ANXA4: variants seen among roughly 807,000 people sequenced by gnomAD.
ANXA4 encodes the protein annexin A4.
In ANXA4, 39 loss-of-function variants were observed where a neutral mutation model predicts 49.8. The ratio of observed to expected loss-of-function variants is 0.78; its 90% CI spans 0.61 to 1.02. The LOEUF (loss-of-function observed/expected upper bound fraction) is 1.02. Ranked by LOEUF, ANXA4 falls within the 50% of genes least tolerant of loss-of-function variation. The pLI, the probability that ANXA4 is intolerant of heterozygous loss-of-function variation, is 0.00. For missense variants in ANXA4, 360 were observed against 410.1 expected, an observed-to-expected ratio of 0.88 and a Z score of 1.05; for synonymous variants, 134 against 152.5, an observed-to-expected ratio of 0.88 and a Z score of 0.89.
intron 2 of ANXA4, among the ~76,000 whole-genome samples, chr2:69,689,490 C>G (rs751798863): frequency 6.6e-6 from 1 of 152,026 alleles, no homozygotes; most frequent in South Asian, 2.1e-4. Context: ...TCAAAGACAT[C>G]AATAAAATTA....
intron 1 of ANXA4, among the ~76,000 whole-genome samples, chr2:69,770,061 C>G (rs1340720906): frequency 6.6e-6 from 1 of 152,162 alleles, no homozygotes; most frequent in South Asian, 2.1e-4. Context: ...AAAGACCGTC[C>G]GTAAGTTACT....
At chr2:69,643,931 GCAGA>G, upstream of ANXA4, 1 of 1,127,892 alleles carries the variant, frequency 8.9e-7, no homozygotes, top group Non-Finnish European at 1.1e-6. Flanking sequence ...GGGTCTCAGT[GCAGA>G]CAGAGTTCTG....
At chr2:69,755,260 T>C (rs1670998356) in intron 1 of ANXA4, among the ~76,000 whole-genome samples, 1 of 152,332 alleles carries the variant, frequency 6.6e-6, no homozygotes, top group Non-Finnish European at 1.5e-5. Context: ...GATCTAGGAA[T>C]AGATGGTGGT....
chr2:69,648,021 G>T (rs1376525102), intron 1 of ANXA4, among the ~76,000 whole-genome samples: 4 of 152,202 alleles, frequency 2.6e-5, no homozygotes, highest in Non-Finnish European at 5.9e-5. Context: ...TGAAGGAAAT[G>T]ATTTGACCTG....
At position 69,734,787 on chromosome 2, in the gene ANXA4, G is replaced by A. The variant is rs556694418; in HGVS notation, n.864+13916G>A. 3.9e-5 allele frequency among the ~76,000 whole-genome samples: 6 copies of A among 152,230 alleles called. No individual in the cohort carries two copies. The South Asian group carries it at 6.2e-4, about 16-fold the overall frequency. ...TGTAATCCCAGCACTTTGTTTCTCC[G>A]GTTTTTGAGATAGGAGGGGCCCTCT... On this transcript the variant is annotated intron_variant and non_coding_transcript_variant, in intron 3 of 3. Transcript: ENST00000418066.
chr2:69,770,659 ACT>A (rs151122427), intron 1 of ANXA4, among the ~76,000 whole-genome samples: 2 of 151,758 alleles, frequency 1.3e-5, no homozygotes, highest in South Asian at 2.1e-4. Context: ...ACCCAGAGAA[ACT>A]CTCTCTCAGC....
intron 10 of ANXA4, 51 bp downstream of exon 10, chr2:69,818,745 CATT>C (rs1263435049): frequency 3.2e-6 from 4 of 1,258,846 alleles, no homozygotes; most frequent in East Asian, 2.4e-5. Context: ...TTTTCCTTCT[CATT>C]ATCAGTTTGC....
intron 1 of ANXA4, among the ~76,000 whole-genome samples, chr2:69,746,564 T>C (rs540915722): frequency 1.2e-4 from 18 of 152,196 alleles, no homozygotes; most frequent in Non-Finnish European, 2.1e-4. Flanking sequence ...AATTTATTAG[T>C]GTTTGGTTTT....
chr2:69,766,010 A>T (rs1248663720), intron 1 of ANXA4, among the ~76,000 whole-genome samples: 1 of 152,238 alleles, frequency 6.6e-6, no homozygotes, highest in Non-Finnish European at 1.5e-5. Flanking sequence ...AGGAAAGTAG[A>T]GGCCCAGGAT....
chr2:69,699,079 G>T (rs1678251666), intron 2 of ANXA4, among the ~76,000 whole-genome samples: 1 of 152,142 alleles, frequency 6.6e-6, no homozygotes, highest in East Asian at 1.9e-4. Flanking sequence ...TATGAATCAT[G>T]GGTAAAGAGG....
chr2:69,666,567 G>A (rs558110026), intron 2 of ANXA4, among the ~76,000 whole-genome samples: 15 of 152,258 alleles, frequency 9.9e-5, no homozygotes, highest in African/African-American at 3.4e-4. Context: ...CATAGTAGCC[G>A]AAAAGTGGAA....
chr2:69,651,261 C>T (rs1332516203), intron 1 of ANXA4, among the ~76,000 whole-genome samples: 1 of 152,160 alleles, frequency 6.6e-6, no homozygotes, highest in African/African-American at 2.4e-5. Context: ...GTCCTACCCA[C>T]TTGGGAGAAT....
intron 2 of ANXA4, among the ~76,000 whole-genome samples, chr2:69,717,913 G>T (rs1037728577): frequency 6.6e-6 from 1 of 152,096 alleles, no homozygotes; most frequent in African/African-American, 2.4e-5. Flanking sequence ...TTTCAGCAGG[G>T]GTCCTCTAAG....
chr2:69,703,210 G>A (rs1678388263), intron 2 of ANXA4, among the ~76,000 whole-genome samples: 1 of 150,822 alleles, frequency 6.6e-6, no homozygotes, highest in Non-Finnish European at 1.5e-5. Context: ...AACCCCCTAT[G>A]GACTCTTTCG....
At chr2:69,790,893 TTTCTC>T (rs759501748) in intron 3 of ANXA4, among the ~76,000 whole-genome samples, 8 of 152,234 alleles carry the variant, frequency 5.3e-5, no homozygotes, top group African/African-American at 1.9e-4. Flanking sequence ...TAAAACATAA[TTTCTC>T]TTTCTCTAGT....
upstream of ANXA4, among the ~76,000 whole-genome samples, chr2:69,738,496 G>A (rs1221933179): frequency 3.3e-5 from 5 of 152,022 alleles, no homozygotes; most frequent in Admixed American, 2.0e-4. Context: ...AAAGATGGCT[G>A]CAAATTCTTT....
In ANXA4 at chr2:69,780,384, T is replaced by C. The variant is rs181853950; in HGVS notation, c.-46-1136T>C. Among the ~76,000 whole-genome samples, 413 of 152,176 alleles carry C rather than the reference T, an allele frequency of 2.7e-3. 7 individuals are homozygous for C. Among genetic ancestry groups the C allele is most frequent in the Admixed American group, 5.1e-3 (78 of 15,288 alleles). On this transcript the variant is annotated intron_variant, in intron 1 of 12. Transcript: ENST00000394295. ...CTAATTTTTATATTTTTAGTAGAGATGGGGTTTCACCATGTGGGCCAGGCT... is the reference window on the plus strand; with the variant it reads ...CTAATTTTTATATTTTTAGTAGAGACGGGGTTTCACCATGTGGGCCAGGCT...
intron 2 of ANXA4, chr2:69,700,420 G>A (rs1678294624): frequency 6.6e-6 from 1 of 152,062 alleles, no homozygotes. Context: ...AAAGTAAAAA[G>A]TCCAAGCACT....
intron 8 of ANXA4, among the ~76,000 whole-genome samples, chr2:69,813,225 C>T (rs1352820403): frequency 6.6e-6 from 1 of 151,764 alleles, no homozygotes; most frequent in Admixed American, 6.6e-5. Flanking sequence ...TGGGTCATTA[C>T]CAGGTACCAA....
Sources: gnomAD v4.1 joint callset for allele counts (sites outside exome capture counted in the v4.1 genomes callset) on GRCh38, gnomAD v4.1.1 for gene constraint, MANE v1.5 for transcripts, NCBI Gene and HGNC (gene_info 2026-07-23, HGNC 2026-07-21) for gene names.